Variants in TMEM268 observed in about 807,000 individuals in gnomAD.
The protein encoded by TMEM268 is transmembrane protein 268, also known as transmembrane protein C9orf91.
In TMEM268, 24 loss-of-function variants were observed where a neutral mutation model predicts 39.1. The ratio of observed to expected loss-of-function variants is 0.61; its 90% CI spans 0.44 to 0.86. TMEM268 has a LOEUF of 0.86. TMEM268 is among the 40% of genes least tolerant of loss of function. The pLI, the probability that TMEM268 is intolerant of heterozygous loss-of-function variation, is 0.00. For missense variants in TMEM268, 409 were observed against 428.6 expected (o/e 0.95, Z 0.40); for synonymous variants, 176 against 173.5 (o/e 1.01, Z -0.12).
intron 8 of TMEM268, among the ~76,000 whole-genome samples, chr9:114,641,979 A>G (rs778958800): frequency 1.2e-4 from 19 of 152,190 alleles, no homozygotes; most frequent in Non-Finnish European, 7.3e-5. Flanking sequence ...AGTACATTAC[A>G]TTCAATTTTT....
chr9:114,634,364 A>G (rs1846536404), intron 6 of TMEM268, among the ~76,000 whole-genome samples: 1 of 152,180 alleles, frequency 6.6e-6, no homozygotes, highest in East Asian at 1.9e-4. Context: ...GGAGCTCACC[A>G]TGGCTGGGGC....
At chr9:114,604,585 CAA>C in the TMEM268 span, among the ~76,000 whole-genome samples, 3 of 81,660 alleles carry the variant, frequency 3.7e-5, no homozygotes, top group African/African-American at 5.2e-5. Flanking sequence ...GACTCCGTCT[CAA>C]AAAAAAAAAA....
rs1456068848 is a variant in TMEM268, at chr9:114,644,029, C to T, written c.*716C>T. 1 of 152,168 alleles carries T rather than the reference C, an allele frequency of 6.6e-6. No individual in the cohort carries two copies. Among genetic ancestry groups the T allele is most frequent in the African/African-American group, 2.4e-5 (1 of 41,424 alleles). The allele number at this position is 152,168 out of a possible 1,614,324, so 9.4% of individuals were successfully genotyped here. On this transcript the variant is annotated 3_prime_UTR_variant, in exon 9 of 9. Transcript: ENST00000288502. The stretch of plus-strand genomic sequence containing the variant: ...TTGACTTGAGGACTTATTTTGTTCA[C>T]AGGCATGCACGCTTGTGGTTGTGGT...
chr9:114,606,506 TG>T (rs1845367990), upstream of TMEM268, among the ~76,000 whole-genome samples: 1 of 152,252 alleles, frequency 6.6e-6, no homozygotes, highest in East Asian at 1.9e-4. Context: ...GAACATTCTG[TG>T]GGACACACTT....
intron 7 of TMEM268, 45 bp downstream of exon 7, chr9:114,637,115 A>G (rs766861758): frequency 3.2e-6 from 4 of 1,267,952 alleles, no homozygotes; most frequent in Non-Finnish European, 4.6e-6. Flanking sequence ...CCAGGAGGCC[A>G]AGTTGTATCG....
intron 5 of TMEM268, 45 bp from the exon 6 acceptor site, chr9:114,633,723 C>A: frequency 1.8e-6 from 2 of 1,093,156 alleles, no homozygotes; most frequent in Non-Finnish European, 2.7e-6. Flanking sequence ...GGGAGCTCCC[C>A]AGTAGCATGG....
intron 1 of TMEM268, 47 bp downstream of exon 1, chr9:114,611,611 G>C (rs1316062116): frequency 3.2e-5 from 5 of 154,240 alleles, no homozygotes; most frequent in African/African-American, 1.2e-4. Flanking sequence ...TGCGATCCGG[G>C]CTTGGTGCTG....
chr9:114,619,174 A>G (rs569077635), intron 2 of TMEM268, among the ~76,000 whole-genome samples: 22 of 152,348 alleles, frequency 1.4e-4, no homozygotes, highest in African/African-American at 5.3e-4. Context: ...GTAGAACAAG[A>G]TGGAATGAAA....
upstream of TMEM268, among the ~76,000 whole-genome samples, chr9:114,609,361 A>G (rs1054474757): frequency 1.3e-5 from 2 of 150,996 alleles, no homozygotes; most frequent in African/African-American, 4.9e-5. Context: ...GTACATTCTG[A>G]CTCAGCACAT....
chr9:114,636,904 A>G, intron 6 of TMEM268, 86 bp from the exon 7 acceptor site: 1 of 788,950 alleles, frequency 1.3e-6, no homozygotes, highest in Non-Finnish European at 2.2e-6. Flanking sequence ...GCCAGACAGC[A>G]GGCTAAATAG....
chr9:114,629,570 C>A (rs74759251), intron 5 of TMEM268, among the ~76,000 whole-genome samples: 1 of 152,208 alleles, frequency 6.6e-6, no homozygotes, highest in Non-Finnish European at 1.5e-5. Context: ...GGCTTTAACT[C>A]CCCTTTGCTG....
At chr9:114,643,069 G>A (rs1277653327) in intron 8 of TMEM268, 65 bp from the exon 9 acceptor site, 3 of 1,541,124 alleles carry the variant, frequency 1.9e-6, no homozygotes, top group Non-Finnish European at 2.7e-6. Flanking sequence ...TTCCCCTGGT[G>A]CCTAAGCCCT....
At chr9:114,615,851 G>A (rs1845683256) in intron 1 of TMEM268, among the ~76,000 whole-genome samples, 2 of 151,648 alleles carry the variant, frequency 1.3e-5, no homozygotes, top group Non-Finnish European at 2.9e-5. Flanking sequence ...CACCATGCCT[G>A]GCCTAATTTT....
At chr9:114,609,137 CCT>C (rs368839513), upstream of TMEM268, among the ~76,000 whole-genome samples, 215 of 152,128 alleles carry the variant, frequency 1.4e-3, 6 homozygotes, top group East Asian at 0.037. Context: ...TGGTGAAACC[CCT>C]GTCTCTACTA....
At chr9:114,642,612 A>G (rs373768762) in intron 8 of TMEM268, among the ~76,000 whole-genome samples, 139 of 151,964 alleles carry the variant, frequency 9.1e-4, no homozygotes, top group African/African-American at 3.2e-3. Context: ...GGCTAGGTTT[A>G]CTTTCTTTTT....
At chr9:114,626,861 C>A (rs371081937) in intron 3 of TMEM268, 38 bp from the exon 4 acceptor site, 7 of 1,494,580 alleles carry the variant, frequency 4.7e-6, no homozygotes, top group Non-Finnish European at 6.5e-6. Context: ...ACTGGCTGTC[C>A]TGCGGCTGAT....
intron 2 of TMEM268, among the ~76,000 whole-genome samples, chr9:114,620,628 A>G (rs556885221): frequency 1.5e-4 from 23 of 152,308 alleles, no homozygotes; most frequent in East Asian, 5.8e-4. Flanking sequence ...AAATAAATCA[A>G]TGTTGCTTGA....
chr9:114,631,290 A>AAAAAAAAAAAAAAAAG (rs1846385480), intron 5 of TMEM268, among the ~76,000 whole-genome samples: 9 of 23,936 alleles, frequency 3.8e-4, no homozygotes, highest in African/African-American at 1.0e-3. Context: ...CTCAAAAAAA[A>AAAAAAAAAAAAAAAAG]AAAAAAAAAA....
chr9:114,628,056 A>G (rs1394350891), intron 4 of TMEM268, 45 bp from the exon 5 acceptor site: 2 of 1,604,808 alleles, frequency 1.2e-6, no homozygotes, highest in Non-Finnish European at 1.7e-6. Flanking sequence ...TGCTTTATGC[A>G]AGGACTGAAG....
Sources: allele counts gnomAD v4.1 joint callset (sites outside exome capture counted in the v4.1 genomes callset), GRCh38; gene constraint gnomAD v4.1.1; transcripts MANE v1.5; gene names NCBI Gene and HGNC (gene_info 2026-07-23, HGNC 2026-07-21).